PTPRU: variants seen among roughly 807,000 people sequenced by gnomAD.
PTPRU encodes the protein protein tyrosine phosphatase receptor type U.
Under a neutral mutation model 166.3 loss-of-function variants are expected in PTPRU, and 69 were observed. That is an observed-to-expected ratio of 0.41 (90% CI 0.34 to 0.51). PTPRU has a LOEUF of 0.51. PTPRU is among the 20% of genes least tolerant of loss of function. The probability of loss-of-function intolerance (pLI) is 0.09; values close to 1 mark genes in which losing one functional copy is unlikely to be tolerated. For missense variants in PTPRU, 1,657 were observed against 2,013.7 expected (o/e 0.82, Z 3.39); for synonymous variants, 793 against 814.0 (o/e 0.97, Z 0.44).
At chr1:29,284,131 G>A (rs1686231947) in intron 13 of PTPRU, among the ~76,000 whole-genome samples, 155 bp downstream of exon 13, 1 of 152,100 alleles carries the variant, frequency 6.6e-6, no homozygotes, top group Admixed American at 6.5e-5. Flanking sequence ...GTTTCCATGT[G>A]CCCTACCTCA....
intron 15 of PTPRU, among the ~76,000 whole-genome samples, chr1:29,292,345 A>C (rs970404502): frequency 2.0e-5 from 3 of 152,170 alleles, no homozygotes; most frequent in Non-Finnish European, 4.4e-5. Flanking sequence ...GTTATGTGAG[A>C]GGTGGGGATA....
At chr1:29,300,253 C>T (rs1020233036) in intron 15 of PTPRU, among the ~76,000 whole-genome samples, 2 of 152,128 alleles carry the variant, frequency 1.3e-5, no homozygotes, top group Non-Finnish European at 2.9e-5. Context: ...GCACAGTGTT[C>T]TCCTGAGGAT....
intron 7 of PTPRU, among the ~76,000 whole-genome samples, chr1:29,266,868 AG>A: frequency 6.6e-6 from 1 of 152,250 alleles, no homozygotes; most frequent in Non-Finnish European, 1.5e-5. Context: ...TGAACATCAC[AG>A]GTTTGAATTG....
chr1:29,315,276 G>A lies in PTPRU; in HGVS notation c.3228-96G>A. On this transcript the variant is annotated intron_variant, in intron 22 of 29. Transcript: ENST00000373779. The surrounding 1 kb of genome is among the most constrained non-coding windows in gnomAD (Gnocchi z 4.5). ...ATCTCTGTGTCCGTGTCCCCTGTAT[G>A]GTGTAGACATGGCCAGTGCCCTCCT... is the stretch of plus-strand genomic sequence containing the variant. 6.7e-7 allele frequency: 1 copy of A among 1,482,186 alleles called. No individual in the cohort carries two copies. The allele number at this position is 1,482,186 out of a possible 1,614,324, so 91.8% of individuals were successfully genotyped here. A position where few individuals can be genotyped will look rare whatever the true frequency, so the allele number is the denominator to read the frequency against.
intron 1 of PTPRU, among the ~76,000 whole-genome samples, chr1:29,239,873 T>C (rs1272509223): frequency 6.6e-6 from 1 of 152,146 alleles, no homozygotes; most frequent in Admixed American, 6.5e-5. Context: ...AAAGTACATT[T>C]TAACTCAAAG....
intron 24 of PTPRU, among the ~76,000 whole-genome samples, chr1:29,316,474 T>C (rs1205708242): frequency 6.6e-6 from 1 of 152,162 alleles, no homozygotes; most frequent in Non-Finnish European, 1.5e-5. Flanking sequence ...AGAGAAGTAG[T>C]TAATATGTCC....
At position 29,320,362 on chromosome 1, in the gene PTPRU, C is replaced by T. The variant is rs1054823595; in HGVS notation, c.3688-323C>T. On this transcript the variant is annotated intron_variant, in intron 25 of 29. Coordinates refer to ENST00000373779, the MANE Select transcript of PTPRU (RefSeq NM_133178.4). The surrounding 1 kb of genome is among the most constrained non-coding windows in gnomAD (Gnocchi z 5.2). Reference sequence around the variant, plus strand: ...GCAGCCAAAATAGCAGATGCCGAAGCGCGGAGGCAGGGAGTAAGCTCGGCC... The same window carrying T: ...GCAGCCAAAATAGCAGATGCCGAAGTGCGGAGGCAGGGAGTAAGCTCGGCC... The T allele has an allele frequency of 2.3e-5, 6 of 266,262 alleles. No homozygotes were observed. The highest frequency in any genetic ancestry group is 1.7e-4 in the South Asian group (1 of 6,032). The allele number at this position is 266,262 out of a possible 1,614,324, so 16.5% of individuals were successfully genotyped here.
In PTPRU at chr1:29,270,529, G is replaced by T. The variant is rs562318341; in HGVS notation, c.1145-4919G>T. On this transcript the variant is annotated intron_variant, in intron 7 of 29. Coordinates refer to ENST00000373779, the MANE Select transcript of PTPRU (RefSeq NM_133178.4). ...CTACTATGTTGCCCATGAAGGTCTC[G>T]AACCCCTGAGCGATCCTGCCTTGGC... is the stretch of plus-strand genomic sequence containing the variant. Among the ~76,000 whole-genome samples the T allele has an allele frequency of 6.6e-5, 10 of 152,188 alleles. No individual in the cohort carries two copies. The South Asian group carries it at 2.1e-3, about 32-fold the overall frequency.
chr1:29,278,905 G>C lies in PTPRU; in HGVS notation c.1454-107G>C, dbSNP rs915941659. Reference sequence around the variant, plus strand: ...GAGTTAAGTAAGGTGCAGAGAGGCTGAATAGTCCATGAGAACCAGGTAGGA... The same window carrying C: ...GAGTTAAGTAAGGTGCAGAGAGGCTCAATAGTCCATGAGAACCAGGTAGGA... On this transcript the variant is annotated intron_variant, in intron 8 of 29. Coordinates refer to ENST00000373779, the MANE Select transcript of PTPRU (RefSeq NM_133178.4). 4 of 818,456 alleles carry C rather than the reference G, an allele frequency of 4.9e-6. No homozygotes were observed. In the African/African-American group the frequency reaches 5.1e-5, roughly 10 times the overall value. The allele number at this position is 818,456 out of a possible 1,614,324, so 50.7% of individuals were successfully genotyped here.
At position 29,259,553 on chromosome 1, in the gene PTPRU, T is replaced by C. The variant is rs1387930794; in HGVS notation, c.664T>C (p.Phe222Leu). The part of the protein sequence containing the change: ...AAGRAAEAER[F>L]LLQRQSGALV... Reference sequence around the variant, plus strand: ...GGGCAGAGCGGCCGAGGCCGAACGCTTCCTCTTGCAAGTGAGCGGGAGCGG... The same window carrying C: ...GGGCAGAGCGGCCGAGGCCGAACGCCTCCTCTTGCAAGTGAGCGGGAGCGG... The change falls in exon 5 of 30, where the codon TTC becomes CTC. Residue 222 changes from phenylalanine (F) to leucine (L), a missense_variant. By Grantham distance (22) the Phe-to-Leu change is conservative. Coordinates refer to ENST00000373779, the MANE Select transcript of PTPRU (RefSeq NM_133178.4). The C allele has an allele frequency of 4.4e-6, 7 of 1,588,674 alleles. No homozygotes were observed. The highest frequency in any genetic ancestry group is 6.0e-6 in the Non-Finnish European group (7 of 1,166,442).
In PTPRU at chr1:29,283,869, C is replaced by G. The variant is rs899263343; in HGVS notation, c.2143-71C>G. ...CCTGAACAGGCCCAAGAAACGCTGT[C>G]TGAGGTTCCCACCCTGGGGAGGGAG... On this transcript the variant is annotated intron_variant, in intron 12 of 29. Coordinates refer to ENST00000373779, the MANE Select transcript of PTPRU (RefSeq NM_133178.4). 26 of 1,576,656 alleles carry G rather than the reference C, an allele frequency of 1.6e-5. No homozygotes were observed. In the Admixed American group the frequency reaches 2.0e-4, roughly 12 times the overall value.
Position 29,280,946 on chromosome 1 carries a change from C to T in PTPRU, c.1868+805C>T, listed in dbSNP as rs1686055723. On this transcript the variant is annotated intron_variant, in intron 11 of 29. Coordinates refer to ENST00000373779, the MANE Select transcript of PTPRU (RefSeq NM_133178.4). This position sits in a 1 kb window ranked among gnomAD's most constrained non-coding sequence, Gnocchi z 4.2. ...CGGGAAACTGACTCAGAGCCTGAAT[C>T]ACTTGCCCTCAAGGCCACACAGCTA... Among the ~76,000 whole-genome samples the T allele has an allele frequency of 6.6e-6, 1 of 152,190 alleles. No individual in the cohort carries two copies. The highest frequency in any genetic ancestry group is 1.5e-5 in the Non-Finnish European group (1 of 68,038).
chr1:29,320,274 T>G lies in PTPRU; in HGVS notation c.3688-411T>G, dbSNP rs1349301375. 2 of 164,280 alleles carry G rather than the reference T, an allele frequency of 1.2e-5. No homozygotes were observed. The highest frequency in any genetic ancestry group is 3.4e-4 in the East Asian group (2 of 5,854). 10.2% of individuals were successfully genotyped at this position (164,280 alleles called of 1,614,324 possible). A position where few individuals can be genotyped will look rare whatever the true frequency, so the allele number is the denominator to read the frequency against. On this transcript the variant is annotated intron_variant, in intron 25 of 29. Transcript: ENST00000373779. The surrounding 1 kb of genome is among the most constrained non-coding windows in gnomAD (Gnocchi z 5.2). The stretch of plus-strand genomic sequence containing the variant: ...GGGGAGGGCTTCTTTGAGGAGGTGA[T>G]AAGTAAAGACCAGAAGGAAGTGAGG...
chr1:29,275,047 CAAAAA>C (rs1423464895), intron 7 of PTPRU, among the ~76,000 whole-genome samples: 4 of 64,504 alleles, frequency 6.2e-5, no homozygotes, highest in South Asian at 5.1e-4. Flanking sequence ...GAGCCTCTGT[CAAAAA>C]AAAAAAAAAA....
Position 29,304,860 on chromosome 1 carries a change from G to C in PTPRU, c.2743+11G>C. 1 of 1,607,246 alleles carries C rather than the reference G, an allele frequency of 6.2e-7. No individual in the cohort carries two copies. The highest frequency in any genetic ancestry group is 8.5e-7 in the Non-Finnish European group (1 of 1,174,448). On this transcript the variant is annotated intron_variant, in intron 17 of 29. Coordinates refer to ENST00000373779, the MANE Select transcript of PTPRU (RefSeq NM_133178.4). ...AGCCAATGCCTGCCTGTGAGTCCTG[G>C]GGAAGGGCCTGGGGTCCAGGGCAGT...
chr1:29,283,234 A>G (rs889081892), intron 12 of PTPRU, among the ~76,000 whole-genome samples: 1 of 142,098 alleles, frequency 7.0e-6, no homozygotes, highest in Non-Finnish European at 1.5e-5. Flanking sequence ...CCCACCTCCA[A>G]TAGCCTTACC....
chr1:29,281,916 T>C (rs1024417601), intron 11 of PTPRU, among the ~76,000 whole-genome samples: 5 of 152,248 alleles, frequency 3.3e-5, no homozygotes, highest in Admixed American at 2.0e-4. Context: ...CTCTCCACTT[T>C]GTTCTGCAGA....
At chr1:29,251,945 C>T (rs1450835087) in intron 1 of PTPRU, among the ~76,000 whole-genome samples, 3 of 152,226 alleles carry the variant, frequency 2.0e-5, no homozygotes, top group Non-Finnish European at 2.9e-5. Flanking sequence ...TGCTCTCTCT[C>T]TGTACTTGCC....
Position 29,279,084 on chromosome 1 carries a change from A to G in PTPRU, c.1526A>G (p.Glu509Gly), listed in dbSNP as rs775882102. 7.6e-6 allele frequency: 12 copies of G among 1,587,074 alleles called. No individual in the cohort carries two copies. In the East Asian group the frequency reaches 2.8e-4, roughly 37 times the overall value. ...GACATGATCTTCCTCAAGTGGGAGG[A>G]GCCCCAGGAGCCCAATGGTCTCATC... ...LEDMIFLKWE[E>G]PQEPNGLITQ... Residue 509 changes from glutamate to glycine, a missense_variant, in exon 9 of 30, where the codon GAG becomes GGG. Physicochemically the swap from Glu to Gly is moderately conservative, Grantham distance 98. This residue lies in a region of PTPRU where 1,190 missense variants were observed against 1,477.4 expected (regional missense o/e 0.81). Transcript: ENST00000373779. This position sits in a 1 kb window ranked among gnomAD's most constrained non-coding sequence, Gnocchi z 5.2.
Sources: allele counts gnomAD v4.1 joint callset (sites outside exome capture counted in the v4.1 genomes callset), GRCh38; gene constraint gnomAD v4.1.1; regional missense constraint gnomAD v4.1.1; non-coding constraint Gnocchi (gnomAD v3.1); transcripts MANE v1.5; gene names NCBI Gene and HGNC (gene_info 2026-07-23, HGNC 2026-07-21).